CPS1: variants seen among roughly 807,000 people sequenced by gnomAD.
CPS1 encodes the protein carbamoyl-phosphate synthase [ammonia], mitochondrial.
A neutral mutation model predicts 174.6 loss-of-function variants in CPS1; 109 were observed. The observed-to-expected ratio is 0.62, with a 90% CI of 0.53 to 0.73. The LOEUF (loss-of-function observed/expected upper bound fraction) is 0.73. Ranked by LOEUF, CPS1 falls within the 30% of genes least tolerant of loss-of-function variation. The probability of loss-of-function intolerance (pLI) is 0.00; values close to 1 mark genes in which losing one functional copy is unlikely to be tolerated. For synonymous variants in CPS1, 637 were observed against 632.0 expected, an observed-to-expected ratio of 1.01 and a Z score of -0.12; for missense variants, 1,689 against 1,821.9, an observed-to-expected ratio of 0.93 and a Z score of 1.33.
At chr2:210,676,159 G>A (rs774777068) in intron 36 of CPS1, among the ~76,000 whole-genome samples, 1 of 152,110 alleles carries the variant, frequency 6.6e-6, no homozygotes, top group Non-Finnish European at 1.5e-5. Flanking sequence ...TAAGTACATC[G>A]AGTATAAGAT....
intron 27 of CPS1, 24 bp from the exon 28 acceptor site, chr2:210,650,339 C>T (rs1421109956): frequency 1.9e-6 from 3 of 1,600,956 alleles, no homozygotes; most frequent in Non-Finnish European, 2.6e-6. Context: ...ACCTGACCTG[C>T]TTTTTTTCCC....
chr2:210,612,123 G>C lies in CPS1; in HGVS notation c.2398G>C (p.Ala800Pro). ...SSMKSVGEVM[A>P]IGRTFEESFQ... Reference sequence around the variant, plus strand: ...TCTTAAACATGTATTACAGGTCATGGCTATTGGTCGTACCTTTGAGGAGAG... The same window carrying C: ...TCTTAAACATGTATTACAGGTCATGCCTATTGGTCGTACCTTTGAGGAGAG... The change falls in exon 20 of 38, where the codon GCT becomes CCT. Residue 800 changes from alanine (A) to proline (P), a missense_variant. Coordinates refer to ENST00000233072, the MANE Select transcript of CPS1 (RefSeq NM_001875.5). 2.5e-6 allele frequency: 4 copies of C among 1,611,718 alleles called. No homozygotes were observed. Among genetic ancestry groups the C allele is most frequent in the Non-Finnish European group, 3.4e-6 (4 of 1,178,536 alleles).
At chr2:210,589,897 C>G (rs538121059) in intron 7 of CPS1, among the ~76,000 whole-genome samples, 17 of 151,956 alleles carry the variant, frequency 1.1e-4, no homozygotes, top group African/African-American at 4.1e-4. Flanking sequence ...CAATTCCCCC[C>G]TATCTTGAGC....
chr2:210,662,420 A>G (rs908806618), intron 32 of CPS1, among the ~76,000 whole-genome samples: 5 of 152,226 alleles, frequency 3.3e-5, no homozygotes, highest in Non-Finnish European at 5.9e-5. Flanking sequence ...TAGAATTCCC[A>G]TCATAATTTA....
chr2:210,578,431 A>T (rs572988065), intron 4 of CPS1, among the ~76,000 whole-genome samples: 1 of 152,112 alleles, frequency 6.6e-6, no homozygotes. Flanking sequence ...TTAATTTCCA[A>T]TGAAAAAAGA....
chr2:210,479,002 A>G (rs1694490715), intron 1 of CPS1, among the ~76,000 whole-genome samples: 1 of 147,864 alleles, frequency 6.8e-6, no homozygotes, highest in South Asian at 2.2e-4. Flanking sequence ...GAACCAACCC[A>G]GAGAATCCCT....
intron 27 of CPS1, among the ~76,000 whole-genome samples, chr2:210,648,779 TCTC>T (rs1450497511): frequency 6.6e-6 from 1 of 152,106 alleles, no homozygotes; most frequent in African/African-American, 2.4e-5. Context: ...GTGTAAGGCA[TCTC>T]CTTACCAAAC....
chr2:210,506,116 T>A (rs1189867211), intron 1 of CPS1, among the ~76,000 whole-genome samples: 3 of 152,128 alleles, frequency 2.0e-5, no homozygotes, highest in Non-Finnish European at 4.4e-5. Context: ...CCGAATAGCC[T>A]AACTGGGAGG....
chr2:210,482,680 G>C (rs1401362638), intron 1 of CPS1, among the ~76,000 whole-genome samples: 3 of 149,824 alleles, frequency 2.0e-5, no homozygotes, highest in African/African-American at 7.4e-5. Flanking sequence ...GAGAGAAAGA[G>C]AGAGAGAGAG....
chr2:210,579,834 G>GTGT, intron 5 of CPS1, 64 bp downstream of exon 5: 15 of 1,326,102 alleles, frequency 1.1e-5, no homozygotes, highest in African/African-American at 1.4e-5. Flanking sequence ...GTGTGTGTGT[G>GTGT]GTGTTTCCCT....
At position 210,518,908 on chromosome 2, in the gene CPS1, A is replaced by G. The variant is rs1650559745; in HGVS notation, c.4-37811A>G. ...ATTCAGCTCATTATCTTAACCTCAA[A>G]ATTTTCTCCTCTTGTGTTTTTTAAG... On this transcript the variant is annotated intron_variant, in intron 1 of 38. Transcript: ENST00000430249. Among the ~76,000 whole-genome samples, 3 of 151,892 alleles carry G rather than the reference A, an allele frequency of 2.0e-5. No individual in the cohort carries two copies. In the South Asian group the frequency reaches 6.2e-4, roughly 32 times the overall value.
intron 21 of CPS1, among the ~76,000 whole-genome samples, chr2:210,623,959 C>A (rs2371003): frequency 0.12 from 18,619 of 151,958 alleles, 1,230 homozygotes; most frequent in East Asian, 0.26. Context: ...TTTCTGATGA[C>A]AATGTATATT....
chr2:210,666,537 C>G (rs1055051006), intron 33 of CPS1, among the ~76,000 whole-genome samples: 5 of 152,304 alleles, frequency 3.3e-5, no homozygotes, highest in African/African-American at 1.2e-4. Context: ...TTGCAGCTTT[C>G]TACGTATGGT....
chr2:210,509,314 T>C (rs552323109), intron 1 of CPS1, among the ~76,000 whole-genome samples: 1 of 152,322 alleles, frequency 6.6e-6, no homozygotes, highest in South Asian at 2.1e-4. Flanking sequence ...GAAAAGGCCT[T>C]TGACAAAATT....
chr2:210,578,858 A>G (rs1363013201), intron 4 of CPS1, among the ~76,000 whole-genome samples: 1 of 151,886 alleles, frequency 6.6e-6, no homozygotes, highest in Admixed American at 6.6e-5. Flanking sequence ...CCTTTTTGTT[A>G]TTTAGGACAC....
At chr2:210,636,032 C>A (rs1168781076) in intron 21 of CPS1, among the ~76,000 whole-genome samples, 2 of 152,112 alleles carry the variant, frequency 1.3e-5, no homozygotes, top group African/African-American at 2.4e-5. Flanking sequence ...TAGATTTAAT[C>A]CAATTACATT....
intron 1 of CPS1, among the ~76,000 whole-genome samples, chr2:210,538,303 G>A (rs912551575): frequency 6.6e-6 from 1 of 151,684 alleles, no homozygotes; most frequent in African/African-American, 2.4e-5. Flanking sequence ...CAATATTTAT[G>A]CAGATACATA....
intron 1 of CPS1, among the ~76,000 whole-genome samples, chr2:210,545,134 A>G (rs1192424886): frequency 6.6e-6 from 1 of 152,090 alleles, no homozygotes; most frequent in Non-Finnish European, 1.5e-5. Context: ...GAAGAAAAAG[A>G]TTAATCTCCT....
chr2:210,541,844 T>A (rs1376112304), intron 1 of CPS1, among the ~76,000 whole-genome samples: 2 of 152,120 alleles, frequency 1.3e-5, no homozygotes, highest in Admixed American at 6.6e-5. Context: ...TTTTGGTTGA[T>A]CATGGAGTAT....
Sources: allele counts gnomAD v4.1 joint callset (sites outside exome capture counted in the v4.1 genomes callset), GRCh38; gene constraint gnomAD v4.1.1; transcripts MANE v1.5; gene names NCBI Gene and HGNC (gene_info 2026-07-23, HGNC 2026-07-21).